ADGRV1: variants seen among roughly 807,000 people sequenced by gnomAD.
ADGRV1 encodes the protein adhesion G protein-coupled receptor V1.
Under a neutral mutation model 596.2 loss-of-function variants are expected in ADGRV1, and 359 were observed. The observed-to-expected ratio is 0.60, with a 90% CI of 0.55 to 0.66. The LOEUF (loss-of-function observed/expected upper bound fraction) is 0.66. ADGRV1 is among the 30% of genes least tolerant of loss of function. The pLI, the probability that ADGRV1 is intolerant of heterozygous loss-of-function variation, is 0.00. For synonymous variants in ADGRV1, 2,681 were observed against 2,679.2 expected, an observed-to-expected ratio of 1.00 and a Z score of -0.02; for missense variants, 7,274 against 7,575.6, an observed-to-expected ratio of 0.96 and a Z score of 1.48.
chr5:91,130,100 A>G (rs1352042647), intron 87 of ADGRV1, among the ~76,000 whole-genome samples: 2 of 152,152 alleles, frequency 1.3e-5, no homozygotes, highest in African/African-American at 4.8e-5. Context: ...ACTGTAAAAC[A>G]AAATATGAAA....
chr5:90,738,924 T>C (rs1260871367), intron 50 of ADGRV1, among the ~76,000 whole-genome samples: 1 of 152,178 alleles, frequency 6.6e-6, no homozygotes, highest in East Asian at 1.9e-4. Flanking sequence ...ACTCCTGTTA[T>C]GTACAGCTTA....
intron 85 of ADGRV1, among the ~76,000 whole-genome samples, chr5:91,052,786 G>T (rs113922649): frequency 1.3e-5 from 2 of 152,094 alleles, no homozygotes; most frequent in Non-Finnish European, 2.9e-5. Flanking sequence ...CTATGTCACA[G>T]TCCAGTTGTA....
intron 21 of ADGRV1, among the ~76,000 whole-genome samples, chr5:90,662,472 T>G (rs1303214059): frequency 2.0e-5 from 3 of 152,010 alleles, no homozygotes; most frequent in African/African-American, 7.2e-5. Context: ...GGATTACAGG[T>G]GTAAGCCACC....
At chr5:90,745,457 G>T in intron 51 of ADGRV1, 134 bp from the exon 52 acceptor site, 1 of 740,162 alleles carries the variant, frequency 1.4e-6, no homozygotes, top group South Asian at 2.1e-5. Context: ...TGAATATTTT[G>T]GATTAAAATT....
chr5:90,885,916 G>T (rs1038234761), intron 83 of ADGRV1, among the ~76,000 whole-genome samples: 1 of 151,914 alleles, frequency 6.6e-6, no homozygotes, highest in East Asian at 1.9e-4. Context: ...GAGGGAAGGA[G>T]GGTGGTGATG....
At chr5:90,943,427 T>C (rs1407684414) in intron 83 of ADGRV1, among the ~76,000 whole-genome samples, 1 of 152,110 alleles carries the variant, frequency 6.6e-6, no homozygotes, top group Non-Finnish European at 1.5e-5. Flanking sequence ...CTTGGGGCTG[T>C]GGCACAAGCT....
chr5:90,701,775 A>G (rs941027223), intron 34 of ADGRV1, among the ~76,000 whole-genome samples: 2 of 151,874 alleles, frequency 1.3e-5, no homozygotes, highest in African/African-American at 4.8e-5. Context: ...TTTTCTCCTA[A>G]GCATTTTATT....
At chr5:90,887,312 G>A (rs1313477128) in intron 83 of ADGRV1, among the ~76,000 whole-genome samples, 1 of 152,070 alleles carries the variant, frequency 6.6e-6, no homozygotes, top group Non-Finnish European at 1.5e-5. Flanking sequence ...TCACTTCAAG[G>A]ATCAGGTTAA....
chr5:90,960,032 G>A (rs960034962), intron 83 of ADGRV1, among the ~76,000 whole-genome samples: 4 of 151,744 alleles, frequency 2.6e-5, no homozygotes, highest in African/African-American at 2.4e-5. Context: ...CCAGCTACTC[G>A]GGAGGCTGAG....
At chr5:90,568,035 G>C (rs561639903) in intron 1 of ADGRV1, among the ~76,000 whole-genome samples, 2 of 152,154 alleles carry the variant, frequency 1.3e-5, no homozygotes, top group Non-Finnish European at 2.9e-5. Context: ...ACCATGCCCA[G>C]TCCCTTTTAT....
At chr5:90,733,426 G>T (rs909480804) in intron 50 of ADGRV1, among the ~76,000 whole-genome samples, 3 of 152,152 alleles carry the variant, frequency 2.0e-5, no homozygotes, top group African/African-American at 7.2e-5. Flanking sequence ...ACATCCATGC[G>T]TGGGGATAGT....
At chr5:90,660,275 A>G (rs1425851397) in intron 21 of ADGRV1, among the ~76,000 whole-genome samples, 1 of 152,084 alleles carries the variant, frequency 6.6e-6, no homozygotes, top group East Asian at 1.9e-4. Context: ...TAAATTTTTA[A>G]TTTTTCATTT....
chr5:91,028,250 T>C (rs1784183280), intron 85 of ADGRV1, among the ~76,000 whole-genome samples: 1 of 152,038 alleles, frequency 6.6e-6, no homozygotes, highest in Non-Finnish European at 1.5e-5. Context: ...CACTATTCCC[T>C]CTTCTCCCTC....
chr5:90,849,578 T>G (rs1025752250), intron 79 of ADGRV1, among the ~76,000 whole-genome samples: 3 of 152,062 alleles, frequency 2.0e-5, no homozygotes, highest in South Asian at 4.2e-4. Flanking sequence ...TTTGTAGAGA[T>G]AGAATTTCAC....
At chr5:90,728,570 TA>T in intron 48 of ADGRV1, 98 bp from the exon 49 acceptor site, 2 of 1,009,204 alleles carry the variant, frequency 2.0e-6, no homozygotes, top group African/African-American at 1.6e-5. Context: ...TTTAACTAAA[TA>T]AAAGGATCCA....
At chr5:90,977,331 A>G (rs554158168) in intron 84 of ADGRV1, among the ~76,000 whole-genome samples, 1 of 152,356 alleles carries the variant, frequency 6.6e-6, no homozygotes, top group East Asian at 1.9e-4. Flanking sequence ...GATTAAGGGC[A>G]TATGGAATAG....
At position 90,720,056 on chromosome 5, in the gene ADGRV1, A is replaced by G. The variant is rs749257313; in HGVS notation, c.9456A>G (p.Gln3152=). 3 of 1,613,338 alleles carry G rather than the reference A, an allele frequency of 1.9e-6. No individual in the cohort carries two copies. Among genetic ancestry groups the G allele is most frequent in the Non-Finnish European group, 1.7e-6 (2 of 1,179,472 alleles). Residue 3152 remains glutamine (Q), a synonymous_variant, in exon 44 of 90, where the codon CAA becomes CAG. Transcript: ENST00000405460. Reference sequence around the variant, plus strand: ...TTTGATTTTGTTTTCAGGCCCTACAAATATCTGCCATATTAGACACGGAAC... The same window carrying G: ...TTTGATTTTGTTTTCAGGCCCTACAGATATCTGCCATATTAGACACGGAAC... The part of the protein sequence containing the change: ...LEEGVRFKAL[Q]ISAILDTEPE...
chr5:91,036,377 G>A (rs1784909927), intron 85 of ADGRV1, among the ~76,000 whole-genome samples: 1 of 151,990 alleles, frequency 6.6e-6, no homozygotes, highest in South Asian at 2.1e-4. Context: ...GGCTAACACG[G>A]TGAAACCCTG....
intron 54 of ADGRV1, among the ~76,000 whole-genome samples, chr5:90,754,767 T>C (rs1323894114): frequency 6.6e-6 from 1 of 152,148 alleles, no homozygotes; most frequent in East Asian, 1.9e-4. Context: ...AGAACTGGGA[T>C]ATAATGCTAG....
Sources: allele counts gnomAD v4.1 joint callset (sites outside exome capture counted in the v4.1 genomes callset), GRCh38; gene constraint gnomAD v4.1.1; transcripts MANE v1.5; gene names NCBI Gene and HGNC (gene_info 2026-07-23, HGNC 2026-07-21).